ARHGEF4: variants seen among roughly 807,000 people sequenced by gnomAD.
ARHGEF4 encodes Rho guanine nucleotide exchange factor 4.
In ARHGEF4, 119 loss-of-function variants were observed where a neutral mutation model predicts 162.0. The ratio of observed to expected loss-of-function variants is 0.73; its 90% CI spans 0.63 to 0.86. ARHGEF4 has a LOEUF of 0.86. Among genes scored for constraint, ARHGEF4 ranks in the 40% least tolerant of loss-of-function variants. The pLI, the probability that ARHGEF4 is intolerant of heterozygous loss-of-function variation, is 0.00. For synonymous variants in ARHGEF4, 1,014 were observed against 979.9 expected, an observed-to-expected ratio of 1.03 and a Z score of -0.65; for missense variants, 2,488 against 2,456.0, an observed-to-expected ratio of 1.01 and a Z score of -0.28.
intron 13 of ARHGEF4, 23 bp from the exon 14 acceptor site, chr2:131,046,015 C>T (rs1463271616): frequency 1.2e-6 from 2 of 1,600,500 alleles, no homozygotes; most frequent in East Asian, 2.2e-5. Flanking sequence ...ACCCATGACC[C>T]TCTGCTGTCT....
intron 1 of ARHGEF4, among the ~76,000 whole-genome samples, chr2:130,854,179 C>T (rs1486018687): frequency 6.6e-6 from 1 of 152,220 alleles, no homozygotes; most frequent in Admixed American, 6.5e-5. Flanking sequence ...TGATTAATTA[C>T]ATCATAGCTG....
At chr2:130,986,077 G>A (rs188490202) in intron 4 of ARHGEF4, among the ~76,000 whole-genome samples, 5 of 151,744 alleles carry the variant, frequency 3.3e-5, no homozygotes, top group East Asian at 1.9e-4. Context: ...TGTGCATGAC[G>A]TGTTTTGTGT....
chr2:130,995,357 G>A (rs1053580140), intron 4 of ARHGEF4, among the ~76,000 whole-genome samples: 2 of 152,050 alleles, frequency 1.3e-5, no homozygotes, highest in South Asian at 2.1e-4. Flanking sequence ...AAGAGCTTCC[G>A]TTTGTTTCTT....
rs898422249 is a variant in ARHGEF4 at position 131,046,442 on chromosome 2, C to A, written c.*253C>A. On this transcript the variant is annotated 3_prime_UTR_variant, in exon 14 of 14. Coordinates refer to ENST00000409359, the MANE Select transcript of ARHGEF4 (RefSeq NM_001367493.1). Reference sequence around the variant, plus strand: ...ACCGCCGCTGCAGCTTGGGCCCCATCCGCCCTCTGGACCTGTGTAGGGCCT... The same window carrying A: ...ACCGCCGCTGCAGCTTGGGCCCCATACGCCCTCTGGACCTGTGTAGGGCCT... 2 of 518,452 alleles carry A rather than the reference C, an allele frequency of 3.9e-6. No homozygotes were observed. The highest frequency in any genetic ancestry group is 6.9e-6 in the Non-Finnish European group (2 of 289,498). 32.1% of individuals were successfully genotyped at this position (518,452 alleles called of 1,614,324 possible).
chr2:130,882,588 C>T (rs1173224557), intron 1 of ARHGEF4, among the ~76,000 whole-genome samples: 1 of 151,996 alleles, frequency 6.6e-6, no homozygotes, highest in African/African-American at 2.4e-5. Context: ...AGGATTTCAA[C>T]ATATGAACTT....
At chr2:130,911,093 G>A (rs999808309) in intron 1 of ARHGEF4, among the ~76,000 whole-genome samples, 6 of 152,124 alleles carry the variant, frequency 3.9e-5, no homozygotes, top group Admixed American at 3.3e-4. Context: ...TGAAGGTTTC[G>A]GCCAACGTCG....
chr2:130,907,892 G>C (rs1198549186), intron 1 of ARHGEF4, among the ~76,000 whole-genome samples: 1 of 150,782 alleles, frequency 6.6e-6, no homozygotes, highest in Admixed American at 6.6e-5. Context: ...GGAGGGCGGA[G>C]GTTGCAGTGA....
At chr2:130,973,891 T>C (rs4314035) in intron 4 of ARHGEF4, among the ~76,000 whole-genome samples, 28,710 of 152,142 alleles carry the variant, frequency 0.19, 2,818 homozygotes, top group South Asian at 0.29. Flanking sequence ...ACAAAAGTTA[T>C]CATTTAGTGT....
At chr2:131,040,904 C>T (rs188496553) in intron 8 of ARHGEF4, among the ~76,000 whole-genome samples, 3 of 152,044 alleles carry the variant, frequency 2.0e-5, no homozygotes, top group African/African-American at 7.3e-5. Flanking sequence ...GGCAGTCGAG[C>T]GAGGGTGAGC....
chr2:131,013,099 G>T (rs560656273), intron 4 of ARHGEF4, among the ~76,000 whole-genome samples: 1 of 152,150 alleles, frequency 6.6e-6, no homozygotes, highest in Non-Finnish European at 1.5e-5. Context: ...CAGATATTAC[G>T]TGCCGAGACC....
intron 1 of ARHGEF4, among the ~76,000 whole-genome samples, chr2:130,865,492 G>T (rs558869565): frequency 6.6e-6 from 1 of 152,286 alleles, no homozygotes; most frequent in Non-Finnish European, 1.5e-5. Context: ...CGTGAGGCAG[G>T]TTGTGTCACC....
At chr2:130,946,838 C>A in intron 4 of ARHGEF4, 1 of 599,298 alleles carries the variant, frequency 1.7e-6, no homozygotes, top group South Asian at 2.1e-5. Flanking sequence ...CACAGTGGCT[C>A]ATGCCTGTAA....
chr2:130,877,157 G>A (rs1225710569), intron 1 of ARHGEF4, among the ~76,000 whole-genome samples: 1 of 152,116 alleles, frequency 6.6e-6, no homozygotes, highest in East Asian at 1.9e-4. Flanking sequence ...GTGCTCCCAG[G>A]GTAAGGGGGA....
In ARHGEF4 at chr2:131,041,854, G is replaced by T. The variant is rs772292200; in HGVS notation, c.4935G>T (p.Lys1645Asn). ...TTGAAGCCGCCTTGCATGCCATGAAGAACGTGGCCCAGCTCATCAACGAGC... is the reference window on the plus strand; with the variant it reads ...TTGAAGCCGCCTTGCATGCCATGAATAACGTGGCCCAGCTCATCAACGAGC... ...KDVEAALHAM[K>N]NVAQLINERK... The change falls in exon 10 of 14, where the codon AAG becomes AAT. Residue 1645 changes from lysine to asparagine, a missense_variant. Lys to Asn is a moderately conservative substitution (Grantham distance 94). This residue lies in a region of ARHGEF4 where 415 missense variants were observed against 512.4 expected (regional missense o/e 0.81). Transcript: ENST00000409359. 6.2e-7 allele frequency: 1 copy of T among 1,613,666 alleles called. No homozygotes were observed. Among genetic ancestry groups the T allele is most frequent in the East Asian group, 2.2e-5 (1 of 44,884 alleles).
In ARHGEF4 at chr2:131,040,104, G is replaced by GCAGCAAGGACCAGATGCGGAC; in HGVS notation, c.4397_4417dup (p.Ser1466_Thr1472dup). 1 of 1,612,256 alleles carries GCAGCAAGGACCAGATGCGGAC rather than the reference G, an allele frequency of 6.2e-7. No homozygotes were observed. Among genetic ancestry groups the GCAGCAAGGACCAGATGCGGAC allele is most frequent in the Non-Finnish European group, 8.5e-7 (1 of 1,179,258 alleles). ...GAGGACGGCGGGGCGGAGGCGCAGA[G>GCAGCAAGGACCAGATGCGGAC]CAGCAAGGACCAGATGCGGACCAAC... is the stretch of plus-strand genomic sequence containing the variant. On this transcript the variant is annotated inframe_insertion, in exon 7 of 14. Coordinates refer to ENST00000409359, the MANE Select transcript of ARHGEF4 (RefSeq NM_001367493.1).
chr2:131,017,217 G>A (rs1036889527), intron 4 of ARHGEF4, among the ~76,000 whole-genome samples: 3 of 152,170 alleles, frequency 2.0e-5, no homozygotes, highest in Non-Finnish European at 4.4e-5. Context: ...ACCCACAGTA[G>A]CTTTGTAAGA....
At chr2:131,045,263 C>T in intron 12 of ARHGEF4, 106 bp from the exon 13 acceptor site, 1 of 1,099,010 alleles carries the variant, frequency 9.1e-7, no homozygotes, top group South Asian at 1.5e-5. Context: ...GTACTGAGTC[C>T]CCAGTACATG....
intron 4 of ARHGEF4, among the ~76,000 whole-genome samples, chr2:130,975,973 C>A (rs2105234166): frequency 6.6e-6 from 1 of 152,240 alleles, no homozygotes; most frequent in South Asian, 2.1e-4. Flanking sequence ...ATGGGGGCTC[C>A]CGGAGGCTAA....
chr2:130,864,201 G>GAAA (rs56982493), intron 1 of ARHGEF4, among the ~76,000 whole-genome samples: 20 of 101,574 alleles, frequency 2.0e-4, no homozygotes, highest in Admixed American at 6.2e-4. Context: ...AAGAAAGAAA[G>GAAA]AAAAAAAAAA....
Sources: gnomAD v4.1 joint callset for allele counts (sites outside exome capture counted in the v4.1 genomes callset) on GRCh38, gnomAD v4.1.1 for gene constraint, gnomAD v4.1.1 regional missense constraint, MANE v1.5 for transcripts, NCBI Gene and HGNC (gene_info 2026-07-23, HGNC 2026-07-21) for gene names.